Variants in FAM81A observed in about 807,000 individuals in gnomAD.
FAM81A encodes protein FAM81A.
A neutral mutation model predicts 46.7 loss-of-function variants in FAM81A; 19 were observed. The ratio of observed to expected loss-of-function variants is 0.41; its 90% CI spans 0.28 to 0.60. The LOEUF is 0.60. Among genes scored for constraint, FAM81A ranks in the 20% least tolerant of loss-of-function variants. The pLI, the probability that FAM81A is intolerant of heterozygous loss-of-function variation, is 0.34. For synonymous variants in FAM81A, 183 were observed against 152.9 expected, an observed-to-expected ratio of 1.20 and a Z score of -1.45; for missense variants, 377 against 453.5, an observed-to-expected ratio of 0.83 and a Z score of 1.53.
intron 2 of FAM81A, among the ~76,000 whole-genome samples, chr15:59,403,881 T>C (rs529824526): frequency 8.3e-4 from 106 of 127,536 alleles, no homozygotes; most frequent in African/African-American, 3.9e-3. Context: ...TTGTTTCTTT[T>C]CTTTTCTTTT....
intron 1 of FAM81A, among the ~76,000 whole-genome samples, chr15:59,400,052 T>G (rs1204919695): frequency 6.6e-6 from 1 of 152,128 alleles, no homozygotes; most frequent in African/African-American, 2.4e-5. Context: ...AGGAGCTAAC[T>G]TCCTGCCATT....
At position 59,455,113 on chromosome 15, in the gene FAM81A, C is replaced by G. The variant is rs189016327; in HGVS notation, c.-77-3437C>G. 1.5e-3 allele frequency among the ~76,000 whole-genome samples: 232 copies of G among 150,026 alleles called. 1 individual carries two copies. Among genetic ancestry groups the G allele is most frequent in the African/African-American group, 5.2e-3 (212 of 40,630 alleles). On this transcript the variant is annotated intron_variant, in intron 1 of 8. Coordinates refer to ENST00000288228, the MANE Select transcript of FAM81A (RefSeq NM_152450.3). The stretch of plus-strand genomic sequence containing the variant: ...ATGGCATTTCACCATATTGCCCAGG[C>G]TGGTCTCAAACTCCTGAGCTCAAGC...
At chr15:59,406,678 AG>A (rs1262644991) in intron 2 of FAM81A, among the ~76,000 whole-genome samples, 1 of 152,116 alleles carries the variant, frequency 6.6e-6, no homozygotes, top group Non-Finnish European at 1.5e-5. Flanking sequence ...CCCCAGCTCT[AG>A]GCAACCGCTG....
At chr15:59,406,088 A>G (rs2081093088) in intron 2 of FAM81A, among the ~76,000 whole-genome samples, 1 of 152,208 alleles carries the variant, frequency 6.6e-6, no homozygotes, top group South Asian at 2.1e-4. Context: ...ATGTGAAACC[A>G]CTGGGCACAG....
At chr15:59,477,151 C>G (rs1240480340) in intron 3 of FAM81A, among the ~76,000 whole-genome samples, 1 of 149,006 alleles carries the variant, frequency 6.7e-6, no homozygotes, top group Non-Finnish European at 1.5e-5. Flanking sequence ...AAACAGAAAA[C>G]AAAACAAAGA....
At chr15:59,447,157 C>T (rs1437811431) in intron 1 of FAM81A, among the ~76,000 whole-genome samples, 1 of 152,210 alleles carries the variant, frequency 6.6e-6, no homozygotes, top group Non-Finnish European at 1.5e-5. Flanking sequence ...TATACTAATA[C>T]TTCTAGTCCT....
upstream of FAM81A, among the ~76,000 whole-genome samples, chr15:59,433,766 T>C (rs546010107): frequency 2.0e-4 from 30 of 152,366 alleles, no homozygotes; most frequent in South Asian, 6.2e-3. Context: ...AGTTTTTAGT[T>C]GGTTATTCAC....
At chr15:59,432,011 A>G (rs1470753780) in intron 2 of FAM81A, among the ~76,000 whole-genome samples, 1 of 152,242 alleles carries the variant, frequency 6.6e-6, no homozygotes, top group Non-Finnish European at 1.5e-5. Context: ...TATCTCTTTA[A>G]AAACAACTGC....
At chr15:59,470,514 A>G (rs1341543090) in intron 3 of FAM81A, among the ~76,000 whole-genome samples, 2 of 152,130 alleles carry the variant, frequency 1.3e-5, no homozygotes, top group South Asian at 2.1e-4. Flanking sequence ...AAGCTTGTGC[A>G]TGCATCACGA....
intron 1 of FAM81A, chr15:59,446,681 G>T (rs569719309): frequency 6.6e-6 from 1 of 152,166 alleles, no homozygotes. Flanking sequence ...CCCATGGAGG[G>T]ACTTGCAGTT....
intron 2 of FAM81A, among the ~76,000 whole-genome samples, chr15:59,413,755 T>TA (rs1270479903): frequency 9.4e-4 from 142 of 151,772 alleles, no homozygotes; most frequent in Middle Eastern, 3.4e-3. Context: ...CCCCTGTCTC[T>TA]AAAAAAAAGA....
chr15:59,523,541 A>G lies in FAM81A; in HGVS notation c.*2163A>G, dbSNP rs1439235418. 1 of 152,242 alleles carries G rather than the reference A, an allele frequency of 6.6e-6. No homozygotes were observed. Among genetic ancestry groups the G allele is most frequent in the Admixed American group, 6.5e-5 (1 of 15,276 alleles). The allele number at this position is 152,242 out of a possible 1,614,324, so 9.4% of individuals were successfully genotyped here. On this transcript the variant is annotated 3_prime_UTR_variant, in exon 9 of 9. Coordinates refer to ENST00000288228, the MANE Select transcript of FAM81A (RefSeq NM_152450.3). Reference sequence around the variant, plus strand: ...GAAATTTGCAATAAAAAGAAAAATAAAATTTTCACATAAATGTGGTGTATG... The same window carrying G: ...GAAATTTGCAATAAAAAGAAAAATAGAATTTTCACATAAATGTGGTGTATG...
intron 3 of FAM81A, among the ~76,000 whole-genome samples, chr15:59,488,846 T>C (rs2081950282): frequency 6.6e-6 from 1 of 152,070 alleles, no homozygotes; most frequent in Non-Finnish European, 1.5e-5. Context: ...AGCGTGCTGC[T>C]GTGTGCCTCG....
chr15:59,520,099 A>ATTT (rs111227397), intron 8 of FAM81A, among the ~76,000 whole-genome samples: 1 of 149,608 alleles, frequency 6.7e-6, no homozygotes. Context: ...TTTTTTTGTG[A>ATTT]TTTTTTTTTT....
intron 3 of FAM81A, among the ~76,000 whole-genome samples, chr15:59,464,493 T>A (rs1275474189): frequency 3.3e-5 from 5 of 152,194 alleles, no homozygotes; most frequent in Non-Finnish European, 7.3e-5. Context: ...ACTTTTTGTG[T>A]TTTGGTAATA....
chr15:59,495,428 C>T (rs1468605838), intron 4 of FAM81A, among the ~76,000 whole-genome samples: 4 of 152,164 alleles, frequency 2.6e-5, no homozygotes, highest in African/African-American at 9.7e-5. Context: ...ATCAGTTGAA[C>T]GTTGGGGTTG....
chr15:59,418,933 A>G (rs932664632), intron 2 of FAM81A, among the ~76,000 whole-genome samples: 10 of 152,206 alleles, frequency 6.6e-5, no homozygotes, highest in Admixed American at 2.6e-4. Context: ...TATTGTCATC[A>G]TTATCCTTCT....
intron 1 of FAM81A, among the ~76,000 whole-genome samples, chr15:59,449,229 C>T (rs1269806518): frequency 2.0e-5 from 3 of 151,906 alleles, no homozygotes; most frequent in Non-Finnish European, 4.4e-5. Context: ...AATTTGACTC[C>T]CCTTTGAACT....
chr15:59,520,080 A>C (rs542717767), intron 8 of FAM81A, among the ~76,000 whole-genome samples: 1 of 134,298 alleles, frequency 7.4e-6, no homozygotes, highest in Non-Finnish European at 1.6e-5. Flanking sequence ...TTCTTAAAAC[A>C]TTATGAGATT....
Sources: allele counts gnomAD v4.1 joint callset (sites outside exome capture counted in the v4.1 genomes callset), GRCh38; gene constraint gnomAD v4.1.1; transcripts MANE v1.5; gene names NCBI Gene and HGNC (gene_info 2026-07-23, HGNC 2026-07-21).